PCDH7: variants seen among roughly 807,000 people sequenced by gnomAD.
PCDH7 encodes the protein protocadherin 7, also known as protocadherin-7.
A neutral mutation model predicts 58.9 loss-of-function variants in PCDH7; 17 were observed. That is an observed-to-expected ratio of 0.29 (90% CI 0.20 to 0.43). The LOEUF (loss-of-function observed/expected upper bound fraction) is 0.43, where lower values mean the gene tolerates loss of function less well. Ranked by LOEUF, PCDH7 falls within the 20% of genes least tolerant of loss-of-function variation. The probability of loss-of-function intolerance (pLI) is 1.00; values close to 1 mark genes in which losing one functional copy is unlikely to be tolerated. For synonymous variants in PCDH7, 664 were observed against 616.4 expected (o/e 1.08, Z -1.14); for missense variants, 1,274 against 1,441.0 (o/e 0.88, Z 1.88).
chr4:30,721,637 C>G lies in PCDH7; in HGVS notation c.215C>G (p.Ser72Cys), dbSNP rs1713569719. The G allele has an allele frequency of 6.2e-7, 1 of 1,613,722 alleles. No individual in the cohort carries two copies. ...GTGACTTTCAGCCTGGAGTCCGGTT[C>G]CGAGTACCTGAAGATCGACAACCTC... Residue 72 changes from serine to cysteine, a missense_variant, in exon 1 of 2, where the codon TCC (serine) becomes TGC (cysteine). Transcript: ENST00000361762. This position sits in a 1 kb window ranked among gnomAD's most constrained non-coding sequence, Gnocchi z 6.7.
At chr4:31,067,963 A>G (rs986712758) in intron 3 of PCDH7, among the ~76,000 whole-genome samples, 3 of 151,956 alleles carry the variant, frequency 2.0e-5, no homozygotes, top group Non-Finnish European at 2.9e-5. Context: ...AATACTTGCT[A>G]TCTCCTGTTT....
At chr4:30,964,789 G>C (rs540368319) in intron 3 of PCDH7, among the ~76,000 whole-genome samples, 8 of 152,068 alleles carry the variant, frequency 5.3e-5, no homozygotes, top group Non-Finnish European at 8.8e-5. Flanking sequence ...AAACTAAAAA[G>C]TCCTTTCCCT....
At chr4:30,782,230 G>A (rs1272471964) in intron 1 of PCDH7, among the ~76,000 whole-genome samples, 1 of 152,050 alleles carries the variant, frequency 6.6e-6, no homozygotes, top group African/African-American at 2.4e-5. Flanking sequence ...TCTTAAACAT[G>A]CCAAAAATGG....
intron 1 of PCDH7, among the ~76,000 whole-genome samples, chr4:30,805,487 A>G (rs1275028936): frequency 1.3e-5 from 2 of 152,208 alleles, no homozygotes; most frequent in African/African-American, 4.8e-5. Context: ...AATACATATA[A>G]AAGTAGAAAT....
intron 3 of PCDH7, among the ~76,000 whole-genome samples, chr4:31,055,051 A>C (rs1757039982): frequency 1.3e-5 from 2 of 152,160 alleles, no homozygotes; most frequent in African/African-American, 2.4e-5. Context: ...TTAGCAACTT[A>C]TGAATAACAA....
At chr4:31,032,371 G>T (rs936666720) in intron 3 of PCDH7, among the ~76,000 whole-genome samples, 7 of 152,138 alleles carry the variant, frequency 4.6e-5, no homozygotes, top group African/African-American at 1.7e-4. Context: ...ACTTTGGGAG[G>T]CCAAGGCGGG....
intron 3 of PCDH7, among the ~76,000 whole-genome samples, chr4:31,039,662 A>C (rs945266295): frequency 6.6e-6 from 1 of 152,170 alleles, no homozygotes; most frequent in African/African-American, 2.4e-5. Context: ...GGAACAATAT[A>C]AGAGAATTCC....
chr4:30,957,350 G>T (rs1005470932), intron 3 of PCDH7, among the ~76,000 whole-genome samples: 7 of 152,200 alleles, frequency 4.6e-5, no homozygotes, highest in African/African-American at 1.7e-4. Context: ...TCAGACACCA[G>T]TAGGACATAT....
intron 1 of PCDH7, among the ~76,000 whole-genome samples, chr4:30,802,110 A>T (rs1725599938): frequency 6.6e-6 from 1 of 152,204 alleles, no homozygotes; most frequent in Admixed American, 6.5e-5. Context: ...ATGGATCTTC[A>T]ACTTAAATGT....
intron 1 of PCDH7, among the ~76,000 whole-genome samples, chr4:30,908,265 A>G (rs79891399): frequency 0.01 from 1,585 of 151,862 alleles, 24 homozygotes; most frequent in African/African-American, 0.037. Flanking sequence ...AGAAGAAAAG[A>G]AAAGAGAAAA....
At chr4:31,044,049 T>C (rs1346257094) in intron 3 of PCDH7, among the ~76,000 whole-genome samples, 1 of 152,162 alleles carries the variant, frequency 6.6e-6, no homozygotes, top group Non-Finnish European at 1.5e-5. Flanking sequence ...GTGTAACTTA[T>C]GCCTAAAAGT....
chr4:30,918,586 G>A (rs1268486365), intron 1 of PCDH7, among the ~76,000 whole-genome samples: 1 of 152,018 alleles, frequency 6.6e-6, no homozygotes, highest in Admixed American at 6.6e-5. Flanking sequence ...TATGTATACT[G>A]AAAATATTTG....
At chr4:31,145,912 A>G (rs1720641980), downstream of PCDH7, 1 of 151,972 alleles carries the variant, frequency 6.6e-6, no homozygotes, top group Non-Finnish European at 1.5e-5. Flanking sequence ...CAGTATATAA[A>G]CCATATTTGT....
chr4:31,020,977 T>C (rs1753975753), intron 3 of PCDH7, among the ~76,000 whole-genome samples: 1 of 152,222 alleles, frequency 6.6e-6, no homozygotes, highest in African/African-American at 2.4e-5. Flanking sequence ...CAAGAAGATA[T>C]TTGTGTGTAT....
At chr4:30,988,086 A>G (rs1402794996) in intron 3 of PCDH7, among the ~76,000 whole-genome samples, 1 of 152,198 alleles carries the variant, frequency 6.6e-6, no homozygotes, top group Non-Finnish European at 1.5e-5. Flanking sequence ...TGAGTTGCAT[A>G]AAAATACTCA....
intron 3 of PCDH7, among the ~76,000 whole-genome samples, chr4:31,053,407 C>T (rs984673469): frequency 1.3e-4 from 19 of 151,974 alleles, no homozygotes; most frequent in Non-Finnish European, 2.2e-4. Flanking sequence ...ATCCTTCCAT[C>T]GAGGCCACTA....
chr4:30,815,210 A>T (rs1727519802), intron 1 of PCDH7, among the ~76,000 whole-genome samples: 1 of 152,010 alleles, frequency 6.6e-6, no homozygotes, highest in South Asian at 2.1e-4. Context: ...ATCTACACCC[A>T]GTACTGTTGC....
At chr4:31,076,364 A>G (rs1758989655) in intron 3 of PCDH7, among the ~76,000 whole-genome samples, 1 of 152,240 alleles carries the variant, frequency 6.6e-6, no homozygotes, top group African/African-American at 2.4e-5. Flanking sequence ...GCCTGTCAGT[A>G]TAAAAAAAGA....
intron 2 of PCDH7, 61 bp downstream of exon 2, chr4:30,920,430 C>A: frequency 8.2e-7 from 1 of 1,219,650 alleles, no homozygotes; most frequent in East Asian, 5.1e-5. Flanking sequence ...TAAGTAGACT[C>A]GCGAAGGTCA....
Sources: gnomAD v4.1 joint callset for allele counts (sites outside exome capture counted in the v4.1 genomes callset) on GRCh38, gnomAD v4.1.1 for gene constraint, Gnocchi (gnomAD v3.1) non-coding constraint, MANE v1.5 for transcripts, NCBI Gene and HGNC (gene_info 2026-07-23, HGNC 2026-07-21) for gene names.